Variants in URI1 observed in about 807,000 individuals in gnomAD.
URI1 encodes unconventional prefoldin RPB5 interactor 1.
In URI1, 39 loss-of-function variants were observed where a neutral mutation model predicts 60.2. That is an observed-to-expected ratio of 0.65 (90% confidence interval 0.50 to 0.85). The LOEUF (loss-of-function observed/expected upper bound fraction) is 0.85, where lower values mean the gene tolerates loss of function less well. Ranked by LOEUF, URI1 falls within the 40% of genes least tolerant of loss-of-function variation. The pLI, the probability that URI1 is intolerant of heterozygous loss-of-function variation, is 0.00. For synonymous variants in URI1, 251 were observed against 236.8 expected, an observed-to-expected ratio of 1.06 and a Z score of -0.55; for missense variants, 691 against 665.9, an observed-to-expected ratio of 1.04 and a Z score of -0.42.
At position 29,942,414 on chromosome 19, in the gene URI1, G is replaced by A. The variant is rs2055038856; in HGVS notation, c.-134G>A. 1 of 982,592 alleles carries A rather than the reference G, an allele frequency of 1.0e-6. No homozygotes were observed. Among genetic ancestry groups the A allele is most frequent in the Non-Finnish European group, 1.2e-6 (1 of 828,834 alleles). The allele number at this position is 982,592 out of a possible 1,614,324, so 60.9% of individuals were successfully genotyped here. On this transcript the variant is annotated 5_prime_UTR_variant, in exon 1 of 11. Transcript: ENST00000392271. ...GGACGCGAACAGCAGCGGCGGCGGC[G>A]GGCGCGGCCTCCTGGGCGCGGGGCG...
chr19:29,955,253 C>T (rs1300059786), intron 1 of URI1, among the ~76,000 whole-genome samples: 2 of 152,044 alleles, frequency 1.3e-5, no homozygotes, highest in Non-Finnish European at 2.9e-5. Flanking sequence ...CGTGAGCCAC[C>T]GTGCCCGGCC....
At chr19:29,960,078 C>G (rs892614695) in intron 1 of URI1, among the ~76,000 whole-genome samples, 6 of 152,062 alleles carry the variant, frequency 3.9e-5, no homozygotes, top group Non-Finnish European at 7.4e-5. Context: ...TGCTCATTGA[C>G]CCATAAATTG....
intron 1 of URI1, among the ~76,000 whole-genome samples, chr19:29,952,406 G>C (rs2055191279): frequency 6.6e-6 from 1 of 152,182 alleles, no homozygotes; most frequent in Non-Finnish European, 1.5e-5. Flanking sequence ...GTTCTTACAA[G>C]TATAGTGTTC....
Position 29,986,436 on chromosome 19 carries a change from T to C in URI1, c.367+19T>C. On this transcript the variant is annotated intron_variant, in intron 4 of 10. Transcript: ENST00000392271. ...AAAGAACGTAGGTACCCATTTTAAA[T>C]GATGTTTCTTTGTTGTATATGTATC... is the stretch of plus-strand genomic sequence containing the variant. 6 of 1,599,528 alleles carry C rather than the reference T, an allele frequency of 3.8e-6. No individual in the cohort carries two copies. Among genetic ancestry groups the C allele is most frequent in the Non-Finnish European group, 5.1e-6 (6 of 1,176,932 alleles).
At chr19:29,928,263 G>T (rs1175018746) in intron 1 of URI1, among the ~76,000 whole-genome samples, 1 of 152,160 alleles carries the variant, frequency 6.6e-6, no homozygotes, top group Admixed American at 6.5e-5. Flanking sequence ...AGCCTAGGCT[G>T]TTTCGAGGAA....
rs766250390 is a variant in URI1, at chr19:30,012,739, G to A, written c.1425+208G>A. 13 of 540,840 alleles carry A rather than the reference G, an allele frequency of 2.4e-5. 1 individual carries two copies. Among genetic ancestry groups the A allele is most frequent in the Admixed American group, 1.6e-4 (4 of 24,402 alleles). 33.5% of individuals were successfully genotyped at this position (540,840 alleles called of 1,614,324 possible). On this transcript the variant is annotated intron_variant, in intron 10 of 10. Coordinates refer to ENST00000392271, the MANE Select transcript of URI1 (RefSeq NM_003796.3). ...TGATAAACACATTACTTGTCTTAAC[G>A]TTCTATTTCAGCAAAATGGGAAATT...
At chr19:29,975,968 T>C (rs962493552) in intron 2 of URI1, among the ~76,000 whole-genome samples, 1 of 152,192 alleles carries the variant, frequency 6.6e-6, no homozygotes, top group Admixed American at 6.5e-5. Context: ...TGGACAAAAA[T>C]GAAATCAGAT....
At chr19:29,933,147 A>T (rs985775067) in intron 1 of URI1, among the ~76,000 whole-genome samples, 7 of 152,202 alleles carry the variant, frequency 4.6e-5, no homozygotes. Context: ...CTGGCCTCAT[A>T]GAATGTGTTC....
intron 1 of URI1, among the ~76,000 whole-genome samples, chr19:29,933,200 T>C (rs888104048): frequency 1.3e-5 from 2 of 152,252 alleles, no homozygotes; most frequent in African/African-American, 4.8e-5. Flanking sequence ...GGATTTGTGT[T>C]ACTTCTTTAA....
rs149063859 is a variant in URI1 at position 30,003,382 on chromosome 19, C to T, written c.368-1979C>T. 1.3e-3 allele frequency among the ~76,000 whole-genome samples: 194 copies of T among 151,910 alleles called. 8 individuals carry two copies. In the East Asian group the frequency reaches 0.035, roughly 28 times the overall value. On this transcript the variant is annotated intron_variant, in intron 4 of 10. Transcript: ENST00000392271. Reference sequence around the variant, plus strand: ...ATCTGCATATATAATGTGTATGTGACGGTGTTGGTGCTTATCAGTTTGTGG... The same window carrying T: ...ATCTGCATATATAATGTGTATGTGATGGTGTTGGTGCTTATCAGTTTGTGG...
At chr19:29,972,236 C>T (rs1029741591) in intron 2 of URI1, among the ~76,000 whole-genome samples, 8 of 151,960 alleles carry the variant, frequency 5.3e-5, no homozygotes, top group Non-Finnish European at 1.0e-4. Flanking sequence ...TAATAATATC[C>T]ACTTTATAAG....
At chr19:29,951,896 G>A (rs1199460777) in intron 1 of URI1, among the ~76,000 whole-genome samples, 1 of 152,156 alleles carries the variant, frequency 6.6e-6, no homozygotes, top group Admixed American at 6.5e-5. Flanking sequence ...TTCTGGCACA[G>A]GATGTTCCAG....
intron 1 of URI1, among the ~76,000 whole-genome samples, chr19:29,944,480 AT>A (rs2055079466): frequency 6.6e-6 from 1 of 152,084 alleles, no homozygotes; most frequent in African/African-American, 2.4e-5. Context: ...TTAAAAAGAT[AT>A]CCTTAGTTTT....
intron 8 of URI1, 95 bp from the exon 9 acceptor site, chr19:30,010,999 T>TA: frequency 3.6e-6 from 5 of 1,375,870 alleles, no homozygotes; most frequent in Non-Finnish European, 4.9e-6. Context: ...CTGCCTCTCT[T>TA]ACTATTATTT....
At chr19:29,962,918 G>GAT (rs1377974929) in intron 1 of URI1, among the ~76,000 whole-genome samples, 2 of 152,110 alleles carry the variant, frequency 1.3e-5, no homozygotes, top group African/African-American at 4.8e-5. Flanking sequence ...AGCATTTCAA[G>GAT]ATACTCTGTT....
intron 1 of URI1, among the ~76,000 whole-genome samples, chr19:29,928,041 C>T (rs1273909870): frequency 1.3e-5 from 2 of 152,078 alleles, no homozygotes; most frequent in African/African-American, 2.4e-5. Flanking sequence ...GAAGCCCAGG[C>T]TATAAGGCAA....
chr19:29,994,180 TTAAC>T (rs1428718050), intron 4 of URI1, among the ~76,000 whole-genome samples: 1 of 152,124 alleles, frequency 6.6e-6, no homozygotes, highest in Non-Finnish European at 1.5e-5. Flanking sequence ...AGTGCTGGCT[TTAAC>T]AGACTGACTA....
rs764046132 is a variant in URI1, at chr19:29,926,282, TCCTA to T, written c.63+2532_63+2535del. Among the ~76,000 whole-genome samples the T allele has an allele frequency of 8.3e-4, 112 of 134,246 alleles. 1 individual carries two copies. The highest frequency in any genetic ancestry group is 1.8e-3 in the South Asian group (7 of 3,886). 88.1% of individuals were successfully genotyped at this position (134,246 alleles called of 152,430 possible). A position where few individuals can be genotyped will look rare whatever the true frequency, so the allele number is the denominator to read the frequency against. ...TTCCTTCCTTCCTTCCTTCCTTCCT[TCCTA>T]CCTTCTTTCCTTCAACAGAATCTTA... On this transcript the variant is annotated intron_variant, in intron 1 of 10. Transcript: ENST00000360605.
intron 4 of URI1, among the ~76,000 whole-genome samples, chr19:30,003,144 C>T (rs989367810): frequency 6.6e-6 from 1 of 151,852 alleles, no homozygotes; most frequent in African/African-American, 2.4e-5. Flanking sequence ...TTTGAAACAA[C>T]CTGTAGATAC....
Sources: allele counts gnomAD v4.1 joint callset (sites outside exome capture counted in the v4.1 genomes callset), GRCh38; gene constraint gnomAD v4.1.1; transcripts MANE v1.5; gene names NCBI Gene and HGNC (gene_info 2026-07-23, HGNC 2026-07-21).